C12orf76: variants seen among roughly 807,000 people sequenced by gnomAD.
C12orf76 encodes uncharacterized protein C12orf76.
C12orf76 carries 6 observed loss-of-function variants against 6.8 expected under a neutral mutation model. That is an observed-to-expected ratio of 0.88 (90% confidence interval 0.48 to 1.73). The LOEUF is 1.73. Ranked by LOEUF, C12orf76 falls within the 40% of genes most tolerant of loss-of-function variation. The pLI, the probability that C12orf76 is intolerant of heterozygous loss-of-function variation, is 0.01. For synonymous variants in C12orf76, 56 were observed against 43.7 expected (o/e 1.28, Z -1.11); for missense variants, 99 against 98.2 (o/e 1.01, Z -0.03).
chr12:110,053,217 G>T (rs577542541), upstream of C12orf76, among the ~76,000 whole-genome samples: 6 of 150,932 alleles, frequency 4.0e-5, no homozygotes, highest in Non-Finnish European at 8.8e-5. Flanking sequence ...TCCCAGGTGA[G>T]ACTGGGCACG....
intron 3 of C12orf76, chr12:110,058,929 C>A (rs1230473629): frequency 7.5e-6 from 11 of 1,463,274 alleles, no homozygotes; most frequent in Middle Eastern, 2.3e-4. Context: ...AATTCTTACT[C>A]CCCCCCACCA....
chr12:110,051,101 T>C (rs2137223757), upstream of C12orf76: 1 of 780,828 alleles, frequency 1.3e-6, no homozygotes, highest in Middle Eastern at 2.3e-4. Flanking sequence ...CTTTTCACCT[T>C]GCTGTGCACA....
At chr12:110,071,162 T>A (rs1421644635), upstream of C12orf76, among the ~76,000 whole-genome samples, 1 of 152,186 alleles carries the variant, frequency 6.6e-6, no homozygotes, top group Non-Finnish European at 1.5e-5. Flanking sequence ...TTATTAAAAA[T>A]AAAAACTAAC....
At chr12:110,067,957 A>C (rs890653696), upstream of C12orf76, among the ~76,000 whole-genome samples, 7 of 152,004 alleles carry the variant, frequency 4.6e-5, no homozygotes, top group African/African-American at 1.7e-4. Flanking sequence ...CACGCCTGTA[A>C]TCCCAGCACT....
At position 110,054,580 on chromosome 12, in the gene C12orf76, C is replaced by T. The variant is rs533366510; in HGVS notation, n.664+2609G>A. Among the ~76,000 whole-genome samples, 19 of 152,180 alleles carry T rather than the reference C, an allele frequency of 1.2e-4. No individual in the cohort carries two copies. The highest frequency in any genetic ancestry group is 3.9e-4 in the African/African-American group (16 of 41,534). On this transcript the variant is annotated intron_variant and non_coding_transcript_variant, in intron 4 of 4. Transcript: ENST00000309050. This position sits in a 1 kb window ranked among gnomAD's most constrained non-coding sequence, Gnocchi z 4.4. ...GAAATGGCGAGTGACTACTAATAGGCATGGGGTGTCCTTTTGGGGTGATGA... is the reference window on the plus strand; with the variant it reads ...GAAATGGCGAGTGACTACTAATAGGTATGGGGTGTCCTTTTGGGGTGATGA...
exon 1 of C12orf76, chr12:110,073,523 G>A (rs951877661): frequency 1.9e-6 from 1 of 519,514 alleles, no homozygotes; most frequent in African/African-American, 1.9e-5. Context: ...AAACATCACT[G>A]CAGCTGCAGC....
upstream of C12orf76, chr12:110,048,751 C>A: frequency 1.0e-6 from 1 of 977,034 alleles, no homozygotes; most frequent in Non-Finnish European, 1.3e-6. Flanking sequence ...CCGCGATTAC[C>A]GTTCTGCTGT....
upstream of C12orf76, among the ~76,000 whole-genome samples, chr12:110,052,900 A>G (rs1023173151): frequency 6.6e-6 from 1 of 152,108 alleles, no homozygotes; most frequent in Admixed American, 6.6e-5. Flanking sequence ...CCAGATACCT[A>G]TATATTTGTT....
chr12:110,060,070 T>C lies in C12orf76; in HGVS notation n.381-907A>G, dbSNP rs768762073. On this transcript the variant is annotated intron_variant and non_coding_transcript_variant, in intron 2 of 4. Transcript: ENST00000309050. ...CTTAACATCATTTCTCTACTAAAAA[T>C]ACAAAATTAGCCAGGCATGGTGGCA... 3.3e-5 allele frequency among the ~76,000 whole-genome samples: 5 copies of C among 152,114 alleles called. No individual in the cohort carries two copies. In the South Asian group the frequency reaches 1.0e-3, roughly 32 times the overall value.
At chr12:110,063,035 G>A (rs1349300296) in intron 2 of C12orf76, among the ~76,000 whole-genome samples, 1 of 151,616 alleles carries the variant, frequency 6.6e-6, no homozygotes, top group Non-Finnish European at 1.5e-5. Flanking sequence ...CGCCTCCCAG[G>A]TTCAAGTGAT....
At position 110,043,004 on chromosome 12, in the gene C12orf76, C is replaced by T. The variant is rs142915423; in HGVS notation, c.134-545G>A. Among the ~76,000 whole-genome samples, 969 of 151,842 alleles carry T rather than the reference C, an allele frequency of 6.4e-3. 93 individuals carry two copies. In the East Asian group the frequency reaches 0.18, roughly 28 times the overall value. On this transcript the variant is annotated intron_variant, in intron 1 of 1. Transcript: ENST00000615315. Reference sequence around the variant, plus strand: ...CTGAGGCAGGAGAATCGCTTGAACCCGAGAGGCGGAGGTTACAGTGAGCCG... The same window carrying T: ...CTGAGGCAGGAGAATCGCTTGAACCTGAGAGGCGGAGGTTACAGTGAGCCG...
intron 1 of C12orf76, among the ~76,000 whole-genome samples, chr12:110,043,015 G>A (rs939063205): frequency 1.3e-5 from 2 of 152,030 alleles, no homozygotes; most frequent in Non-Finnish European, 2.9e-5. Context: ...GAGAGGCGGA[G>A]GTTACAGTGA....
intron 1 of C12orf76, among the ~76,000 whole-genome samples, chr12:110,043,745 C>T (rs1189720912): frequency 2.0e-5 from 3 of 151,914 alleles, no homozygotes; most frequent in Non-Finnish European, 4.4e-5. Flanking sequence ...GTCCCAACTA[C>T]TCAGGAGGCT....
At position 110,064,566 on chromosome 12, in the gene C12orf76, G is replaced by A. The variant is rs35884039; in HGVS notation, n.380+1294C>T. On this transcript the variant is annotated intron_variant and non_coding_transcript_variant, in intron 2 of 4. Coordinates refer to the C12orf76 transcript ENST00000309050. ...ATAATGTCTTTAAAATGAAAATAGC[G>A]TAAAACCTTTCATGTTTTCTGTATG... Among the ~76,000 whole-genome samples, 1,016 of 152,226 alleles carry A rather than the reference G, an allele frequency of 6.7e-3. 12 individuals carry two copies. Among genetic ancestry groups the A allele is most frequent in the South Asian group, 0.028 (134 of 4,826 alleles).
At chr12:110,057,801 C>T (rs531210704) in intron 3 of C12orf76, among the ~76,000 whole-genome samples, 6 of 152,180 alleles carry the variant, frequency 3.9e-5, no homozygotes, top group East Asian at 3.9e-4. Context: ...CAGTGACTCA[C>T]GCCTGTAATC....
intron 3 of C12orf76, among the ~76,000 whole-genome samples, chr12:110,057,676 A>G (rs1892693223): frequency 6.6e-6 from 1 of 152,162 alleles, no homozygotes; most frequent in Admixed American, 6.5e-5. Flanking sequence ...AGTGGCTTTC[A>G]ACAACACTAA....
upstream of C12orf76, among the ~76,000 whole-genome samples, chr12:110,071,695 A>G (rs1892961342): frequency 6.6e-6 from 1 of 152,162 alleles, no homozygotes; most frequent in Admixed American, 6.5e-5. Context: ...CAACATCATC[A>G]TCATCATCAC....
intron 1 of C12orf76, among the ~76,000 whole-genome samples, chr12:110,043,452 C>A (rs143176274): frequency 6.6e-6 from 1 of 152,044 alleles, no homozygotes; most frequent in East Asian, 1.9e-4. Context: ...GGATGCCCAA[C>A]TATGCCTTTA....
intron 2 of C12orf76, among the ~76,000 whole-genome samples, chr12:110,062,605 A>G (rs2137235022): frequency 6.6e-6 from 1 of 150,702 alleles, no homozygotes; most frequent in African/African-American, 2.4e-5. Context: ...AAGTTGAGAA[A>G]AATATAGAAA....
Sources: gnomAD v4.1 joint callset for allele counts (sites outside exome capture counted in the v4.1 genomes callset) on GRCh38, gnomAD v4.1.1 for gene constraint, Gnocchi (gnomAD v3.1) non-coding constraint, MANE v1.5 for transcripts, NCBI Gene and HGNC (gene_info 2026-07-23, HGNC 2026-07-21) for gene names.